CELF1: variants seen among roughly 807,000 people sequenced by gnomAD.
CELF1 encodes the protein 50 kDa nuclear polyadenylated RNA-binding protein.
In CELF1, 10 loss-of-function variants were observed where a neutral mutation model predicts 61.8. The observed-to-expected ratio is 0.16, with a 90% CI of 0.10 to 0.27. The LOEUF (loss-of-function observed/expected upper bound fraction) is 0.27, where lower values mean the gene tolerates loss of function less well. Ranked by LOEUF, CELF1 falls within the 10% of genes least tolerant of loss-of-function variation. The probability of loss-of-function intolerance (pLI) is 1.00; values close to 1 mark genes in which losing one functional copy is unlikely to be tolerated. For missense variants in CELF1, 380 were observed against 639.1 expected, an observed-to-expected ratio of 0.59 and a Z score of 4.37; for synonymous variants, 236 against 225.1, an observed-to-expected ratio of 1.05 and a Z score of -0.43.
intron 1 of CELF1, among the ~76,000 whole-genome samples, chr11:47,551,243 T>A (rs1170315652): frequency 6.6e-6 from 1 of 152,150 alleles, no homozygotes; most frequent in African/African-American, 2.4e-5. Context: ...AATGGTTGAA[T>A]AGAAGTTGAG....
At chr11:47,473,382 AAGC>A in intron 13 of CELF1, 151 bp from the exon 14 acceptor site, 1 of 724,076 alleles carries the variant, frequency 1.4e-6, no homozygotes, top group Middle Eastern at 4.0e-4. Flanking sequence ...TCTAAATACA[AAGC>A]AAGGAACCAA....
intron 1 of CELF1, among the ~76,000 whole-genome samples, chr11:47,529,434 C>T (rs894719315): frequency 3.9e-5 from 6 of 152,082 alleles, no homozygotes; most frequent in Non-Finnish European, 8.8e-5. Context: ...CGCCTGTAAT[C>T]CCAGCACGTT....
chr11:47,466,184 C>T lies in CELF1; in HGVS notation c.*6046G>A, dbSNP rs2076651899. 3 of 152,014 alleles carry T rather than the reference C, an allele frequency of 2.0e-5. No homozygotes were observed. Among genetic ancestry groups the T allele is most frequent in the Admixed American group, 6.6e-5 (1 of 15,264 alleles). 9.4% of individuals were successfully genotyped at this position (152,014 alleles called of 1,614,324 possible). A position where few individuals can be genotyped will look rare whatever the true frequency, so the allele number is the denominator to read the frequency against. ...AAACTCTGTGATTAGGTAAGAAAAG[C>T]GACGAGGGCTCTCCTTGCCTTTTTT... On this transcript the variant is annotated 3_prime_UTR_variant, in exon 15 of 15. Transcript: ENST00000687097.
At chr11:47,473,804 A>G (rs2078771340) in intron 13 of CELF1, among the ~76,000 whole-genome samples, 2 of 152,250 alleles carry the variant, frequency 1.3e-5, no homozygotes, top group Non-Finnish European at 2.9e-5. Flanking sequence ...GTAAATGGGA[A>G]AATAAGAAAT....
intron 1 of CELF1, chr11:47,514,882 C>A (rs2095470933): frequency 1.3e-5 from 2 of 152,252 alleles, no homozygotes; most frequent in Middle Eastern, 3.4e-3. Flanking sequence ...TTTAAAAAAT[C>A]TCTTTTCCTA....
chr11:47,481,078 G>A (rs2082744776), intron 9 of CELF1, among the ~76,000 whole-genome samples: 1 of 132,744 alleles, frequency 7.5e-6, no homozygotes, highest in African/African-American at 2.6e-5. Flanking sequence ...AGGATAAACT[G>A]GGGTTTTTTT....
chr11:47,512,310 G>A (rs951994857), intron 1 of CELF1, among the ~76,000 whole-genome samples: 3 of 151,984 alleles, frequency 2.0e-5, no homozygotes, highest in Non-Finnish European at 4.4e-5. Context: ...TGGCCACCAA[G>A]CCTGGCTAAT....
At chr11:47,474,905 C>T (rs903918544) in intron 13 of CELF1, among the ~76,000 whole-genome samples, 1 of 152,196 alleles carries the variant, frequency 6.6e-6, no homozygotes. Flanking sequence ...CTCAGTTTGT[C>T]TTCAATCAGG....
At chr11:47,559,965 G>A (rs1036555840) in intron 2 of CELF1, among the ~76,000 whole-genome samples, 5 of 146,364 alleles carry the variant, frequency 3.4e-5, no homozygotes, top group Non-Finnish European at 5.9e-5. Flanking sequence ...TCATGCCACT[G>A]TATTCCACCC....
intron 3 of CELF1, among the ~76,000 whole-genome samples, chr11:47,497,377 A>G (rs2093315008): frequency 6.6e-6 from 1 of 152,258 alleles, no homozygotes; most frequent in South Asian, 2.1e-4. Context: ...AGAGTGATCA[A>G]TGAAGAATCA....
At chr11:47,485,655 T>C (rs2086341926) in intron 6 of CELF1, among the ~76,000 whole-genome samples, 1 of 151,624 alleles carries the variant, frequency 6.6e-6, no homozygotes, top group Admixed American at 6.6e-5. Context: ...GATCTCAGCA[T>C]ACTGCAACCA....
At chr11:47,517,592 T>C (rs917837587) in intron 1 of CELF1, among the ~76,000 whole-genome samples, 1 of 151,948 alleles carries the variant, frequency 6.6e-6, no homozygotes, top group Non-Finnish European at 1.5e-5. Flanking sequence ...CTGCTAACAG[T>C]AGTTGTAGAG....
chr11:47,506,551 A>C (rs547024984), intron 1 of CELF1, among the ~76,000 whole-genome samples: 23 of 152,350 alleles, frequency 1.5e-4, no homozygotes, highest in African/African-American at 5.5e-4. Context: ...TCTGGTGTAG[A>C]GTATTCCTCC....
chr11:47,485,274 G>C (rs552246804), intron 6 of CELF1, among the ~76,000 whole-genome samples: 1 of 152,110 alleles, frequency 6.6e-6, no homozygotes, highest in African/African-American at 2.4e-5. Flanking sequence ...TTGACCTGCC[G>C]GGTTTAAGCA....
At chr11:47,539,237 T>A (rs1022899869) in intron 1 of CELF1, among the ~76,000 whole-genome samples, 1 of 151,980 alleles carries the variant, frequency 6.6e-6, no homozygotes, top group Non-Finnish European at 1.5e-5. Context: ...GTTAAAAAAA[T>A]AAACTCATAA....
At chr11:47,504,402 C>T (rs1454019033) in intron 1 of CELF1, among the ~76,000 whole-genome samples, 2 of 151,368 alleles carry the variant, frequency 1.3e-5, no homozygotes, top group Admixed American at 6.6e-5. Flanking sequence ...GGCAACATGG[C>T]GCCATCTCTA....
At chr11:47,565,534 G>A (rs966142944), upstream of CELF1, 92 of 1,128,576 alleles carry the variant, frequency 8.2e-5, no homozygotes, top group Non-Finnish European at 7.6e-5. Flanking sequence ...TAGTGCAGCT[G>A]GCAGCCCCGC....
chr11:47,482,467 G>T, intron 9 of CELF1: 1 of 344,102 alleles, frequency 2.9e-6, no homozygotes, highest in Non-Finnish European at 5.2e-6. Context: ...CACTTTAGTT[G>T]CAGCAAAAGC....
chr11:47,481,093 T>TC (rs2082843218), intron 9 of CELF1, among the ~76,000 whole-genome samples: 4 of 102,108 alleles, frequency 3.9e-5, no homozygotes, highest in South Asian at 3.4e-4. Context: ...TTTTTTTTTT[T>TC]TTCTTCTTCT....
Sources: gnomAD v4.1 joint callset for allele counts (sites outside exome capture counted in the v4.1 genomes callset) on GRCh38, gnomAD v4.1.1 for gene constraint, MANE v1.5 for transcripts, NCBI Gene and HGNC (gene_info 2026-07-23, HGNC 2026-07-21) for gene names.